The following FILIP1 variants were observed in gnomAD, a reference collection of about 807,000 sequenced individuals.
The protein encoded by FILIP1 is filamin A interacting protein 1, also known as filamin-A-interacting protein 1.
Under a neutral mutation model 102.1 loss-of-function variants are expected in FILIP1, and 61 were observed. The observed-to-expected ratio is 0.60, with a 90% confidence interval of 0.49 to 0.74. The LOEUF (loss-of-function observed/expected upper bound fraction) is 0.74. Among genes scored for constraint, FILIP1 ranks in the 30% least tolerant of loss-of-function variants. The pLI is 0.00. For missense variants in FILIP1, 1,314 were observed against 1,441.2 expected, an observed-to-expected ratio of 0.91 and a Z score of 1.43; for synonymous variants, 491 against 526.9, an observed-to-expected ratio of 0.93 and a Z score of 0.93.
chr6:75,339,907 C>T (rs1774366125), intron 4 of FILIP1, among the ~76,000 whole-genome samples: 1 of 152,140 alleles, frequency 6.6e-6, no homozygotes, highest in Admixed American at 6.5e-5. Flanking sequence ...GAGATCACAC[C>T]ACTGCACTCC....
chr6:75,463,209 C>T (rs1779074278), intron 1 of FILIP1, among the ~76,000 whole-genome samples: 1 of 152,106 alleles, frequency 6.6e-6, no homozygotes. Context: ...AAAGTAAAGC[C>T]CACTATTGTG....
intron 1 of FILIP1, among the ~76,000 whole-genome samples, chr6:75,468,859 C>A (rs907970130): frequency 6.6e-6 from 1 of 151,864 alleles, no homozygotes; most frequent in Non-Finnish European, 1.5e-5. Flanking sequence ...AAAACAAAAT[C>A]TCTGATACAA....
chr6:75,349,670 GC>G (rs893897918), intron 4 of FILIP1, among the ~76,000 whole-genome samples: 3 of 152,198 alleles, frequency 2.0e-5, no homozygotes, highest in Non-Finnish European at 4.4e-5. Context: ...TCTCAAAAAT[GC>G]CGTTTCCTTA....
rs543053295 is a variant in FILIP1 at position 75,460,573 on chromosome 6, G to A, written c.-7+32841C>T. ...AAGTAGATATCTAGGAATTTCAGCC[G>A]TCTTAGAGTAAAATAACTCAGAATA... On this transcript the variant is annotated intron_variant, in intron 1 of 5. Transcript: ENST00000237172. Among the ~76,000 whole-genome samples, 9 of 152,198 alleles carry A rather than the reference G, an allele frequency of 5.9e-5. No individual in the cohort carries two copies. In the South Asian group the frequency reaches 6.2e-4, roughly 11 times the overall value.
intron 6 of FILIP1, chr6:75,296,051 A>G (rs1014153579): frequency 6.3e-6 from 5 of 796,802 alleles, no homozygotes; most frequent in Middle Eastern, 2.4e-4. Flanking sequence ...TAACAAAACA[A>G]ACAAAAACAG....
chr6:75,352,914 C>T (rs1774859033), intron 4 of FILIP1, among the ~76,000 whole-genome samples: 1 of 150,044 alleles, frequency 6.7e-6, no homozygotes, highest in African/African-American at 2.5e-5. Context: ...CAATGAAGCA[C>T]CTACATTTGA....
Position 75,314,596 on chromosome 6 carries a change from T to A in FILIP1, c.1236A>T (p.Gln412His). ...SQCRELRKKL[Q>H]EEEHHSKELR... ...GCTCCTTACTATGGTGTTCTTCCTC[T>A]TGCAGCTTCTTCCTCAATTCCCTAC... Residue 412 changes from glutamine to histidine, a missense_variant, in exon 5 of 6, where the codon CAA becomes CAT. Physicochemically the swap from Gln to His is conservative, Grantham distance 24. Coordinates refer to ENST00000237172, the MANE Select transcript of FILIP1 (RefSeq NM_015687.5). 6.2e-7 allele frequency: 1 copy of A among 1,613,902 alleles called. No homozygotes were observed. Among genetic ancestry groups the A allele is most frequent in the Non-Finnish European group, 8.5e-7 (1 of 1,179,978 alleles).
chr6:75,312,761 GA>G lies in FILIP1; in HGVS notation c.3070del (p.Ser1024LeufsTer37), dbSNP rs1329419558. 1 of 1,614,196 alleles carries G rather than the reference GA, an allele frequency of 6.2e-7. No homozygotes were observed. The highest frequency in any genetic ancestry group is 8.5e-7 in the Non-Finnish European group (1 of 1,180,050). On this transcript the variant is annotated frameshift_variant, in exon 5 of 6. Transcript: ENST00000237172. LOFTEE classifies it high-confidence loss of function. ...CATGGGCATTTCCTGGGATTCGGGA[GA>G]AACTGCAATCTCAGCTGGTGCTGCT... is the stretch of plus-strand genomic sequence containing the variant. ...TSAAPAEIAVSPESQEMPMGR... is the reference protein window; with the variant it reads ...TSAAPAEIAVXPESQEMPMGR...
chr6:75,313,837 C>A lies in FILIP1; in HGVS notation c.1995G>T (p.Gln665His). The stretch of plus-strand genomic sequence containing the variant: ...CCTTATCCTGCTCAGTTCTAAATTT[C>A]TGTTCCAGCTGATCATACTCATCTT... The part of the protein sequence containing the change: ...KTEDEYDQLE[Q>H]KFRTEQDKAN... Residue 665 changes from glutamine (Q) to histidine (H), a missense_variant, in exon 5 of 6, where the codon CAG becomes CAT. By Grantham distance (24) the Gln-to-His change is conservative (BLOSUM62 0). Coordinates refer to ENST00000237172, the MANE Select transcript of FILIP1 (RefSeq NM_015687.5). The surrounding 1 kb of genome is among the most constrained non-coding windows in gnomAD (Gnocchi z 4.2). The A allele has an allele frequency of 6.2e-7, 1 of 1,613,996 alleles. No homozygotes were observed. Among genetic ancestry groups the A allele is most frequent in the Non-Finnish European group, 8.5e-7 (1 of 1,179,988 alleles).
At chr6:75,423,710 T>C (rs1040188851) in intron 1 of FILIP1, among the ~76,000 whole-genome samples, 2 of 152,088 alleles carry the variant, frequency 1.3e-5, no homozygotes, top group Admixed American at 1.3e-4. Context: ...AATTGGGCTA[T>C]GAAGTTTTGC....
intron 1 of FILIP1, among the ~76,000 whole-genome samples, chr6:75,451,235 T>C (rs1405463670): frequency 6.7e-6 from 1 of 148,342 alleles, no homozygotes; most frequent in Non-Finnish European, 1.5e-5. Context: ...AAATATTATA[T>C]ATAAATATAT....
At chr6:75,379,675 G>T (rs939323818) in intron 2 of FILIP1, among the ~76,000 whole-genome samples, 3 of 152,148 alleles carry the variant, frequency 2.0e-5, no homozygotes, top group Admixed American at 6.5e-5. Flanking sequence ...ATCTGCACTG[G>T]CCTCCTTGTT....
chr6:75,374,833 T>C (rs1027450611), intron 2 of FILIP1, among the ~76,000 whole-genome samples: 1 of 152,256 alleles, frequency 6.6e-6, no homozygotes, highest in African/African-American at 2.4e-5. Context: ...CAAGCATCTC[T>C]GGTACAACTC....
exon 7 of FILIP1, chr6:75,295,585 G>A (rs1772646636): frequency 1.0e-5 from 2 of 196,786 alleles, no homozygotes; most frequent in South Asian, 1.9e-4. Flanking sequence ...TATGAAAAAG[G>A]GAAACACTTT....
At chr6:75,374,059 T>C (rs1775668322) in intron 2 of FILIP1, among the ~76,000 whole-genome samples, 1 of 152,240 alleles carries the variant, frequency 6.6e-6, no homozygotes, top group Non-Finnish European at 1.5e-5. Flanking sequence ...TATTTTCCTG[T>C]GATTAGTCAT....
In FILIP1 at chr6:75,461,767, C is replaced by T. The variant is rs368940566; in HGVS notation, c.-7+31647G>A. On this transcript the variant is annotated intron_variant, in intron 1 of 5. Coordinates refer to ENST00000237172, the MANE Select transcript of FILIP1 (RefSeq NM_015687.5). Reference sequence around the variant, plus strand: ...CTGCATGAAGTTGCCTGGACATACACATTAGAAAGCAAACATTCAAGAATT... The same window carrying T: ...CTGCATGAAGTTGCCTGGACATACATATTAGAAAGCAAACATTCAAGAATT... 5.3e-5 allele frequency among the ~76,000 whole-genome samples: 8 copies of T among 152,286 alleles called. No individual in the cohort carries two copies. In the East Asian group the frequency reaches 1.5e-3, roughly 29 times the overall value.
chr6:75,397,772 G>C (rs893543751), intron 2 of FILIP1, among the ~76,000 whole-genome samples: 4 of 152,034 alleles, frequency 2.6e-5, no homozygotes, highest in African/African-American at 9.7e-5. Context: ...ATCTGTTGAG[G>C]AACATGCAAA....
At chr6:75,301,389 G>C (rs1772832631) in intron 6 of FILIP1, among the ~76,000 whole-genome samples, 1 of 152,148 alleles carries the variant, frequency 6.6e-6, no homozygotes, top group Non-Finnish European at 1.5e-5. Context: ...CTGAAGAACT[G>C]ATTTTTGGTC....
intron 6 of FILIP1, among the ~76,000 whole-genome samples, chr6:75,301,643 A>T (rs1772840600): frequency 6.6e-6 from 1 of 152,244 alleles, no homozygotes; most frequent in African/African-American, 2.4e-5. Context: ...TTGTAGCAGG[A>T]TCTTGCAAGG....
Sources: allele counts gnomAD v4.1 joint callset (sites outside exome capture counted in the v4.1 genomes callset), GRCh38; gene constraint gnomAD v4.1.1; non-coding constraint Gnocchi (gnomAD v3.1); transcripts MANE v1.5; gene names NCBI Gene and HGNC (gene_info 2026-07-23, HGNC 2026-07-21).